The following MGAT4A variants were observed in gnomAD, a reference collection of about 807,000 sequenced individuals.
MGAT4A encodes the protein N-acetylglucosaminyltransferase IVa.
Under a neutral mutation model 74.1 loss-of-function variants are expected in MGAT4A, and 33 were observed. The ratio of observed to expected loss-of-function variants is 0.45; its 90% CI spans 0.34 to 0.60. The LOEUF (loss-of-function observed/expected upper bound fraction) is 0.60. MGAT4A is among the 20% of genes least tolerant of loss of function. The pLI, the probability that MGAT4A is intolerant of heterozygous loss-of-function variation, is 0.02. For synonymous variants in MGAT4A, 198 were observed against 210.4 expected, an observed-to-expected ratio of 0.94 and a Z score of 0.51; for missense variants, 479 against 628.3, an observed-to-expected ratio of 0.76 and a Z score of 2.54.
At chr2:98,663,564 T>A in intron 4 of MGAT4A, 2 of 957,786 alleles carry the variant, frequency 2.1e-6, no homozygotes, top group Non-Finnish European at 2.8e-6. Flanking sequence ...ACAACATCAG[T>A]TCTGTGGTTG....
At chr2:98,725,427 T>C (rs1483196787) in intron 2 of MGAT4A, among the ~76,000 whole-genome samples, 4 of 152,178 alleles carry the variant, frequency 2.6e-5, no homozygotes, top group Non-Finnish European at 4.4e-5. Context: ...GTTGTCTTCA[T>C]GAGTCAATAA....
chr2:98,724,753 T>G (rs911213102), intron 2 of MGAT4A, among the ~76,000 whole-genome samples: 1 of 151,908 alleles, frequency 6.6e-6, no homozygotes, highest in Non-Finnish European at 1.5e-5. Context: ...GTCAAGTTTC[T>G]CCACTACTAT....
At chr2:98,629,730 T>A (rs1170789427) in intron 14 of MGAT4A, among the ~76,000 whole-genome samples, 2 of 152,144 alleles carry the variant, frequency 1.3e-5, no homozygotes, top group Non-Finnish European at 2.9e-5. Flanking sequence ...GGCAGCCAAT[T>A]TCTTCAGTCG....
chr2:98,707,274 GTA>G (rs1225000546), intron 2 of MGAT4A, among the ~76,000 whole-genome samples: 1 of 152,154 alleles, frequency 6.6e-6, no homozygotes, highest in East Asian at 1.9e-4. Context: ...GTATCATTTA[GTA>G]TACTTTTCTG....
At chr2:98,639,717 T>C in intron 12 of MGAT4A, 91 bp downstream of exon 12, 1 of 1,163,216 alleles carries the variant, frequency 8.6e-7, no homozygotes, top group Admixed American at 2.6e-5. Flanking sequence ...TCCCCACATC[T>C]GTCAGGCACA....
At chr2:98,651,293 A>G (rs191215111) in intron 8 of MGAT4A, among the ~76,000 whole-genome samples, 12 of 152,348 alleles carry the variant, frequency 7.9e-5, no homozygotes, top group African/African-American at 2.4e-4. Context: ...TGCATGAATC[A>G]CTTTAAAATC....
At chr2:98,705,689 A>C (rs188530360) in intron 2 of MGAT4A, among the ~76,000 whole-genome samples, 9 of 151,482 alleles carry the variant, frequency 5.9e-5, no homozygotes, top group African/African-American at 2.2e-4. Context: ...CACGCCTGTA[A>C]TCCCAGCACT....
Position 98,680,885 on chromosome 2 carries a change from A to G in MGAT4A, c.95-2414T>C, listed in dbSNP as rs534948609. Among the ~76,000 whole-genome samples, 36 of 152,366 alleles carry G rather than the reference A, an allele frequency of 2.4e-4. No homozygotes were observed. The South Asian group carries it at 7.5e-3, about 32-fold the overall frequency. On this transcript the variant is annotated intron_variant, in intron 2 of 15. Coordinates refer to ENST00000393487, the MANE Select transcript of MGAT4A (RefSeq NM_012214.3). The stretch of plus-strand genomic sequence containing the variant: ...ACTGAAGTCTATAATAGAATCAATA[A>G]AATTATCTCTTATTCCTAAATAAGA...
At chr2:98,699,913 G>C (rs1011903545) in intron 2 of MGAT4A, among the ~76,000 whole-genome samples, 2 of 152,144 alleles carry the variant, frequency 1.3e-5, no homozygotes, top group Admixed American at 6.6e-5. Flanking sequence ...AAATAGGGTA[G>C]AGCACATGGC....
intron 4 of MGAT4A, among the ~76,000 whole-genome samples, chr2:98,665,852 A>G (rs757820930): frequency 3.9e-5 from 6 of 152,250 alleles, no homozygotes; most frequent in Non-Finnish European, 7.3e-5. Context: ...AGGAAGCAAC[A>G]AGGCCCTGAA....
chr2:98,726,622 T>G, intron 1 of MGAT4A, 55 bp from the exon 2 acceptor site: 1 of 373,942 alleles, frequency 2.7e-6, no homozygotes. Context: ...AATGTAAGTT[T>G]CTTCATTTAC....
chr2:98,681,052 A>G (rs1411353573), intron 2 of MGAT4A, among the ~76,000 whole-genome samples: 5 of 152,208 alleles, frequency 3.3e-5, no homozygotes, highest in African/African-American at 7.2e-5. Flanking sequence ...GCGCGATCTC[A>G]GCTCACTGCA....
intron 6 of MGAT4A, among the ~76,000 whole-genome samples, chr2:98,657,179 C>G (rs1302205690): frequency 6.6e-6 from 1 of 152,212 alleles, no homozygotes; most frequent in African/African-American, 2.4e-5. Flanking sequence ...GACTGAATTG[C>G]AATTTCTTTT....
intron 5 of MGAT4A, among the ~76,000 whole-genome samples, chr2:98,661,322 T>C (rs1047318390): frequency 5.3e-5 from 8 of 152,172 alleles, no homozygotes; most frequent in African/African-American, 9.7e-5. Flanking sequence ...CCATACTGGA[T>C]ACATACATGG....
intron 2 of MGAT4A, among the ~76,000 whole-genome samples, chr2:98,686,906 T>C (rs1289647580): frequency 6.6e-6 from 1 of 152,174 alleles, no homozygotes; most frequent in Non-Finnish European, 1.5e-5. Context: ...CTTATAATAA[T>C]AAAATGAGGA....
intron 2 of MGAT4A, among the ~76,000 whole-genome samples, chr2:98,684,155 T>C (rs572072347): frequency 6.6e-6 from 1 of 152,372 alleles, no homozygotes; most frequent in South Asian, 2.1e-4. Flanking sequence ...GAGAATTGTT[T>C]ATCTGCTTCC....
At position 98,622,039 on chromosome 2, in the gene MGAT4A, G is replaced by A. The variant is rs1032314749; in HGVS notation, c.*3527C>T. 2 of 985,626 alleles carry A rather than the reference G, an allele frequency of 2.0e-6. No homozygotes were observed. The highest frequency in any genetic ancestry group is 1.2e-6 in the Non-Finnish European group (1 of 830,116). The allele number at this position is 985,626 out of a possible 1,614,324, so 61.1% of individuals were successfully genotyped here. A position where few individuals can be genotyped will look rare whatever the true frequency, so the allele number is the denominator to read the frequency against. On this transcript the variant is annotated 3_prime_UTR_variant, in exon 16 of 16. Coordinates refer to ENST00000393487, the MANE Select transcript of MGAT4A (RefSeq NM_012214.3). ...CTGTCTGTTCTGACTACACAGTATG[G>A]TACAGCGCGTGATGTGGAGAATGCA...
In MGAT4A at chr2:98,678,408, T is replaced by C; in HGVS notation, c.158A>G (p.His53Arg). The C allele has an allele frequency of 6.3e-7, 1 of 1,594,086 alleles. No homozygotes were observed. The highest frequency in any genetic ancestry group is 8.6e-7 in the Non-Finnish European group (1 of 1,166,580). ...ALKERLRIAE[H>R]RISQRSSELN... ...TTCAGAAGAGCGCTGTGAGATTCTG[T>C]GTTCAGCTATTCGAAGACGTTCTTT... The change falls in exon 3 of 16, where the codon CAC becomes CGC. Residue 53 changes from histidine (H) to arginine (R), a missense_variant. Transcript: ENST00000393487.
chr2:98,683,225 G>A (rs2104295272), intron 2 of MGAT4A, among the ~76,000 whole-genome samples: 1 of 152,294 alleles, frequency 6.6e-6, no homozygotes, highest in Middle Eastern at 3.4e-3. Flanking sequence ...CTGGATCCTG[G>A]ACCAGAAGAA....
Sources: gnomAD v4.1 joint callset for allele counts (sites outside exome capture counted in the v4.1 genomes callset) on GRCh38, gnomAD v4.1.1 for gene constraint, MANE v1.5 for transcripts, NCBI Gene and HGNC (gene_info 2026-07-23, HGNC 2026-07-21) for gene names.